The following CAP2 variants were observed in gnomAD, a reference collection of about 807,000 sequenced individuals.
CAP2 encodes the protein cyclase associated actin cytoskeleton regulatory protein 2.
Under a neutral mutation model 57.7 loss-of-function variants are expected in CAP2, and 24 were observed. The ratio of observed to expected loss-of-function variants is 0.42; its 90% CI spans 0.30 to 0.58. The LOEUF (loss-of-function observed/expected upper bound fraction) is 0.58. Among genes scored for constraint, CAP2 ranks in the 20% least tolerant of loss-of-function variants. The pLI is 0.22. For synonymous variants in CAP2, 194 were observed against 207.2 expected (o/e 0.94, Z 0.55); for missense variants, 501 against 590.3 (o/e 0.85, Z 1.57).
At chr6:17,492,309 C>T (rs1285110881) in intron 4 of CAP2, among the ~76,000 whole-genome samples, 1 of 151,962 alleles carries the variant, frequency 6.6e-6, no homozygotes, top group Non-Finnish European at 1.5e-5. Flanking sequence ...AAAATCAAAA[C>T]ACAAATAAGT....
intron 6 of CAP2, among the ~76,000 whole-genome samples, chr6:17,508,768 T>G (rs1581580958): frequency 1.3e-5 from 2 of 151,646 alleles, no homozygotes; most frequent in East Asian, 3.9e-4. Context: ...TTTTTTTTTT[T>G]GAGATGGAGT....
intron 4 of CAP2, among the ~76,000 whole-genome samples, chr6:17,500,310 A>G (rs532592562): frequency 3.4e-4 from 39 of 115,756 alleles, no homozygotes; most frequent in Middle Eastern, 4.9e-3. Context: ...CAATTATTAG[A>G]ATGTGTCCAA....
At chr6:17,491,731 C>T (rs547748215) in intron 4 of CAP2, among the ~76,000 whole-genome samples, 2 of 152,198 alleles carry the variant, frequency 1.3e-5, no homozygotes, top group Non-Finnish European at 2.9e-5. Context: ...GGGCAAGTTA[C>T]TAAGTATTTC....
chr6:17,434,620 T>C (rs1390021718), intron 3 of CAP2, among the ~76,000 whole-genome samples: 1 of 152,238 alleles, frequency 6.6e-6, no homozygotes, highest in African/African-American at 2.4e-5. Flanking sequence ...CGTGTACTAA[T>C]GTACGTGTTC....
intron 4 of CAP2, among the ~76,000 whole-genome samples, chr6:17,471,968 T>A (rs1761031555): frequency 6.6e-6 from 1 of 152,214 alleles, no homozygotes; most frequent in Non-Finnish European, 1.5e-5. Context: ...AACCAGTGAC[T>A]CACTTTATGA....
At chr6:17,539,031 G>T (rs149886607) in intron 7 of CAP2, among the ~76,000 whole-genome samples, 1 of 152,156 alleles carries the variant, frequency 6.6e-6, no homozygotes, top group East Asian at 1.9e-4. Context: ...GCTCATTGCC[G>T]CACAGATCCT....
chr6:17,542,422 C>T (rs1214583987), intron 9 of CAP2, among the ~76,000 whole-genome samples: 1 of 151,972 alleles, frequency 6.6e-6, no homozygotes, highest in African/African-American at 2.4e-5. Context: ...ACCAAAGTCC[C>T]TGGAGAGTTG....
chr6:17,417,094 C>A (rs1240972714), intron 1 of CAP2, among the ~76,000 whole-genome samples: 1 of 150,612 alleles, frequency 6.6e-6, no homozygotes. Flanking sequence ...GAGACTCTGT[C>A]TCAAAACAAA....
chr6:17,541,345 T>G (rs1762895581), intron 9 of CAP2, among the ~76,000 whole-genome samples, 197 bp downstream of exon 9: 1 of 152,112 alleles, frequency 6.6e-6, no homozygotes, highest in African/African-American at 2.4e-5. Flanking sequence ...TTTGGGGGTT[T>G]GAGGTGGGAG....
At chr6:17,469,024 C>T (rs1386713712) in intron 4 of CAP2, among the ~76,000 whole-genome samples, 1 of 151,802 alleles carries the variant, frequency 6.6e-6, no homozygotes, top group Non-Finnish European at 1.5e-5. Context: ...GTTTTTTGGC[C>T]TGAGGCCACC....
intron 4 of CAP2, among the ~76,000 whole-genome samples, chr6:17,467,378 G>A (rs1760891889): frequency 6.6e-6 from 1 of 152,110 alleles, no homozygotes; most frequent in African/African-American, 2.4e-5. Flanking sequence ...CTTTTTGTGG[G>A]TACATAGTAG....
chr6:17,397,964 A>G (rs977519520), intron 1 of CAP2, among the ~76,000 whole-genome samples: 4 of 151,986 alleles, frequency 2.6e-5, no homozygotes, highest in African/African-American at 9.7e-5. Flanking sequence ...TTTGACTTAC[A>G]CATTGATGGC....
chr6:17,506,440 G>A (rs1761987148), intron 4 of CAP2, among the ~76,000 whole-genome samples: 1 of 152,018 alleles, frequency 6.6e-6, no homozygotes, highest in Non-Finnish European at 1.5e-5. Context: ...ATCATTTGAG[G>A]TCAGGAGTTC....
chr6:17,439,824 CACTT>C lies in CAP2; in HGVS notation c.222+13135_222+13138del, dbSNP rs371248230. Among the ~76,000 whole-genome samples the C allele has an allele frequency of 4.7e-4, 71 of 151,578 alleles. 4 individuals carry two copies. Among genetic ancestry groups the C allele is most frequent in the African/African-American group, 1.3e-3 (54 of 40,920 alleles). On this transcript the variant is annotated intron_variant, in intron 3 of 12. Coordinates refer to ENST00000229922, the MANE Select transcript of CAP2 (RefSeq NM_006366.3). ...CTATAAATATAGACGAAGCTCCAGT[CACTT>C]GCTTGCTGGCTTGCTCACTGCTCAC...
chr6:17,508,752 C>CT (rs1463662675), intron 6 of CAP2, among the ~76,000 whole-genome samples: 1 of 89,030 alleles, frequency 1.1e-5, no homozygotes, highest in Non-Finnish European at 2.3e-5. Flanking sequence ...TTCAATTCAC[C>CT]TTCTTTTTTT....
intron 1 of CAP2, among the ~76,000 whole-genome samples, chr6:17,395,431 A>T (rs528076148): frequency 6.6e-6 from 1 of 152,380 alleles, no homozygotes; most frequent in Non-Finnish European, 1.5e-5. Flanking sequence ...TAAAAAATGT[A>T]AAAACTATTC....
chr6:17,553,450 A>G (rs1763219727), intron 12 of CAP2, among the ~76,000 whole-genome samples: 1 of 152,018 alleles, frequency 6.6e-6, no homozygotes. Flanking sequence ...TGGCTAACAC[A>G]GTGAAACCCC....
chr6:17,425,167 G>T (rs147959144), intron 2 of CAP2, among the ~76,000 whole-genome samples: 208 of 152,362 alleles, frequency 1.4e-3, no homozygotes, highest in African/African-American at 4.8e-3. Context: ...AGTTTTGTGA[G>T]CATAGAGAAA....
chr6:17,425,174 G>C (rs1344315011), intron 2 of CAP2, among the ~76,000 whole-genome samples: 2 of 152,234 alleles, frequency 1.3e-5, no homozygotes, highest in Non-Finnish European at 2.9e-5. Context: ...TGAGCATAGA[G>C]AAAAGGAATC....
Sources: gnomAD v4.1 joint callset for allele counts (sites outside exome capture counted in the v4.1 genomes callset) on GRCh38, gnomAD v4.1.1 for gene constraint, MANE v1.5 for transcripts, NCBI Gene and HGNC (gene_info 2026-07-23, HGNC 2026-07-21) for gene names.